Variants in PMS2 observed in about 807,000 individuals in gnomAD.
The protein encoded by PMS2 is mismatch repair endonuclease PMS2.
In PMS2, 69 loss-of-function variants were observed where a neutral mutation model predicts 90.0. The observed-to-expected ratio is 0.77, with a 90% CI of 0.63 to 0.94. The LOEUF is 0.94. Ranked by LOEUF, PMS2 falls within the 40% of genes least tolerant of loss-of-function variation. The pLI is 0.00. For missense variants in PMS2, 966 were observed against 1,040.2 expected (o/e 0.93, Z 0.98); for synonymous variants, 332 against 375.1 (o/e 0.89, Z 1.33).
intron 13 of PMS2, among the ~76,000 whole-genome samples, chr7:5,978,180 A>G (rs1256349007): frequency 1.3e-5 from 2 of 150,818 alleles, no homozygotes; most frequent in East Asian, 1.9e-4. Context: ...TTTTGGAGGA[A>G]CTTTTTAATC....
chr7:5,978,373 C>T (rs1435922324), intron 13 of PMS2, among the ~76,000 whole-genome samples: 3 of 148,288 alleles, frequency 2.0e-5, no homozygotes, highest in African/African-American at 5.0e-5. Flanking sequence ...CGGGTTCAAG[C>T]GATTCTCCCA....
intron 11 of PMS2, 90 bp downstream of exon 11, chr7:5,986,669 G>A (rs555050653): frequency 2.0e-5 from 21 of 1,035,840 alleles, no homozygotes; most frequent in South Asian, 9.0e-5. Context: ...TCCAGCCTGC[G>A]CAACAGAGCA....
intron 7 of PMS2, among the ~76,000 whole-genome samples, chr7:5,996,941 G>C (rs1040605312): frequency 2.0e-5 from 3 of 152,204 alleles, no homozygotes; most frequent in East Asian, 1.9e-4. Context: ...CTAGCCAGGC[G>C]TGGTGGCTCA....
At chr7:6,002,893 A>C (rs1785262336) in intron 4 of PMS2, among the ~76,000 whole-genome samples, 1 of 152,218 alleles carries the variant, frequency 6.6e-6, no homozygotes, top group African/African-American at 2.4e-5. Flanking sequence ...TTGAACTGCA[A>C]AACCATAAAT....
chr7:5,988,306 C>A (rs1234627134), intron 10 of PMS2, among the ~76,000 whole-genome samples: 1 of 152,028 alleles, frequency 6.6e-6, no homozygotes, highest in African/African-American at 2.4e-5. Flanking sequence ...TTGGCCGGCA[C>A]AGTGGCTCAC....
intron 5 of PMS2, among the ~76,000 whole-genome samples, chr7:6,000,377 TAAAA>T (rs67186373): frequency 1.6e-5 from 2 of 122,812 alleles, no homozygotes; most frequent in East Asian, 2.4e-4. Flanking sequence ...CTGTCTCAAT[TAAAA>T]AAAAAAAAAA....
At chr7:5,983,941 C>T (rs12531376) in intron 11 of PMS2, among the ~76,000 whole-genome samples, 24,983 of 151,770 alleles carry the variant, frequency 0.16, 2,413 homozygotes, top group East Asian at 0.32. Flanking sequence ...CGTGAGCCAC[C>T]GCACCTGGCC....
intron 5 of PMS2, among the ~76,000 whole-genome samples, chr7:6,000,015 C>T (rs1042511827): frequency 1.1e-4 from 17 of 152,030 alleles, no homozygotes; most frequent in Non-Finnish European, 4.4e-5. Context: ...CATAGCGCAG[C>T]AGAATGACAA....
At chr7:5,986,521 G>T (rs755352698) in intron 11 of PMS2, among the ~76,000 whole-genome samples, 25 of 151,950 alleles carry the variant, frequency 1.6e-4, no homozygotes, top group Non-Finnish European at 3.7e-4. Context: ...GTGAAACCCT[G>T]TTTCCACCAA....
Position 5,986,798 on chromosome 7 carries a change from T to C in PMS2, c.1967A>G (p.Glu656Gly), listed in dbSNP as rs1481127167. ...TAGTTCATCTTCGGCTGCTTGATTT[T>C]CTCCAGGACAAATCTTTGCCCTAAA... is the stretch of plus-strand genomic sequence containing the variant. Reference protein sequence around the residue: ...RKFRAKICPGENQAAEDELRK... With the variant: ...RKFRAKICPGGNQAAEDELRK... Residue 656 changes from glutamate (E) to glycine (G), a missense_variant, in exon 11 of 15, where the codon GAA becomes GGA. Glu to Gly is a moderately conservative substitution (Grantham distance 98, BLOSUM62 -2). This residue lies in a region of PMS2 where 871 missense variants were observed against 802.4 expected (regional missense o/e 1.09). Transcript: ENST00000265849. The C allele has an allele frequency of 1.2e-6, 2 of 1,608,528 alleles. No homozygotes were observed. The highest frequency in any genetic ancestry group is 1.3e-5 in the African/African-American group (1 of 74,616).
At position 5,987,280 on chromosome 7, in the gene PMS2, C is replaced by T. The variant is rs143865305; in HGVS notation, c.1485G>A (p.Gly495=). 5 of 1,613,992 alleles carry T rather than the reference C, an allele frequency of 3.1e-6. No homozygotes were observed. The African/African-American group carries it at 6.7e-5, about 22-fold the overall frequency. ...CAGAATCCACGGAAGTGCTGCCGTG[C>T]CCCGAGTCCTTCTCCACCTCCGCTC... The part of the protein sequence containing the change: ...TDRAEVEKDS[G]HGSTSVDSEG... Residue 495 remains glycine, a synonymous_variant, in exon 11 of 15, where the codon GGG becomes GGA. Transcript: ENST00000265849.
chr7:6,008,509 AG>A (rs1267453982), intron 1 of PMS2, among the ~76,000 whole-genome samples: 2 of 152,080 alleles, frequency 1.3e-5, no homozygotes, highest in Admixed American at 6.6e-5. Context: ...CAGCACTTTG[AG>A]GGGCCAAGGC....
At chr7:5,992,967 T>C (rs1783932710) in intron 8 of PMS2, among the ~76,000 whole-genome samples, 1 of 152,176 alleles carries the variant, frequency 6.6e-6, no homozygotes, top group South Asian at 2.1e-4. Flanking sequence ...AACCAAAATA[T>C]CACATTATTA....
At chr7:6,007,799 G>T (rs1785998930) in intron 1 of PMS2, among the ~76,000 whole-genome samples, 1 of 151,100 alleles carries the variant, frequency 6.6e-6, no homozygotes, top group African/African-American at 2.4e-5. Context: ...ATGGAAAGAA[G>T]TATCTCTAAA....
chr7:5,994,635 G>T (rs1444703245), intron 8 of PMS2, among the ~76,000 whole-genome samples: 4 of 151,698 alleles, frequency 2.6e-5, no homozygotes, highest in African/African-American at 4.8e-5. Context: ...AATTAACCAG[G>T]CGTGGTGGCA....
Position 5,987,399 on chromosome 7 carries a change from A to C in PMS2, c.1366T>G (p.Ser456Ala), listed in dbSNP as rs2128732309. 5.0e-6 allele frequency: 8 copies of C among 1,614,160 alleles called. No individual in the cohort carries two copies. The highest frequency in any genetic ancestry group is 6.8e-6 in the Non-Finnish European group (8 of 1,180,030). The stretch of plus-strand genomic sequence containing the variant: ...TCAGAGATGGCACCTGAAGTGCTAG[A>C]AGACAGCATACCCCTTTTCTGTCCT... ...PLGQKRGMLSSSTSGAISDKG... is the reference protein window; with the variant it reads ...PLGQKRGMLSASTSGAISDKG... Residue 456 changes from serine to alanine, a missense_variant, in exon 11 of 15, where the codon TCT (serine) becomes GCT (alanine). Coordinates refer to ENST00000265849, the MANE Select transcript of PMS2 (RefSeq NM_000535.7).
rs2128786200 is a variant in PMS2 at position 5,997,318 on chromosome 7, C to A, written c.803+8G>T. 1 of 1,361,040 alleles carries A rather than the reference C, an allele frequency of 7.3e-7. No homozygotes were observed. The highest frequency in any genetic ancestry group is 1.7e-5 in the Admixed American group (1 of 59,162). 84.3% of individuals were successfully genotyped at this position (1,361,040 alleles called of 1,614,324 possible). ...CAATTGTAGTTCTCTTGCCAGCAAT[C>A]TACTTACTAAAAAAGATTATGCAGA... is the stretch of plus-strand genomic sequence containing the variant. On this transcript the variant is annotated splice_region_variant and intron_variant, in intron 7 of 14. Transcript: ENST00000265849.
chr7:5,993,046 T>G (rs1379353700), intron 8 of PMS2, among the ~76,000 whole-genome samples: 1 of 152,178 alleles, frequency 6.6e-6, no homozygotes, highest in African/African-American at 2.4e-5. Context: ...CAACCACATC[T>G]GGCAGATTAC....
chr7:5,995,910 C>T (rs575341329), intron 7 of PMS2, among the ~76,000 whole-genome samples: 3 of 152,284 alleles, frequency 2.0e-5, no homozygotes, highest in South Asian at 4.1e-4. Flanking sequence ...CCTTACCCTT[C>T]CTGATAAATC....
Sources: allele counts gnomAD v4.1 joint callset (sites outside exome capture counted in the v4.1 genomes callset), GRCh38; gene constraint gnomAD v4.1.1; regional missense constraint gnomAD v4.1.1; transcripts MANE v1.5; gene names NCBI Gene and HGNC (gene_info 2026-07-23, HGNC 2026-07-21).